The following TRIM33 variants were observed in gnomAD, a reference collection of about 807,000 sequenced individuals.
TRIM33 encodes the protein E3 ubiquitin-protein ligase TRIM33.
In TRIM33, 20 loss-of-function variants were observed where a neutral mutation model predicts 125.4. The ratio of observed to expected loss-of-function variants is 0.16; its 90% CI spans 0.11 to 0.23. The LOEUF (loss-of-function observed/expected upper bound fraction) is 0.23, where lower values mean the gene tolerates loss of function less well. Ranked by LOEUF, TRIM33 falls within the 10% of genes least tolerant of loss-of-function variation. The probability of loss-of-function intolerance (pLI) is 1.00; values close to 1 mark genes in which losing one functional copy is unlikely to be tolerated. For missense variants in TRIM33, 920 were observed against 1,411.4 expected (o/e 0.65, Z 5.58); for synonymous variants, 564 against 513.9 (o/e 1.10, Z -1.32).
intron 1 of TRIM33, among the ~76,000 whole-genome samples, chr1:114,484,284 A>C (rs1448465398): frequency 6.6e-6 from 1 of 152,208 alleles, no homozygotes; most frequent in Non-Finnish European, 1.5e-5. Flanking sequence ...TTGAAACTCT[A>C]ACCATGCCCA....
At chr1:114,478,187 G>C (rs1651090185) in intron 1 of TRIM33, among the ~76,000 whole-genome samples, 2 of 152,128 alleles carry the variant, frequency 1.3e-5, no homozygotes, top group Admixed American at 1.3e-4. Context: ...TCTTGCTTGA[G>C]GATGCTCCCA....
At chr1:114,488,560 TCAAGACCAGCCTGGGCAACAATA>T (rs1651856842) in intron 1 of TRIM33, among the ~76,000 whole-genome samples, 1 of 152,064 alleles carries the variant, frequency 6.6e-6, no homozygotes, top group Admixed American at 6.5e-5. Context: ...GCCCAGAAGT[TCAAGACCAGCCTGGGCAACAATA>T]CAAGACCCCA....
At chr1:114,409,294 G>A (rs1652434924) in intron 12 of TRIM33, among the ~76,000 whole-genome samples, 1 of 152,146 alleles carries the variant, frequency 6.6e-6, no homozygotes, top group South Asian at 2.1e-4. Flanking sequence ...GTATTCAAGA[G>A]TCCCAATTGA....
intron 12 of TRIM33, among the ~76,000 whole-genome samples, chr1:114,409,963 T>C (rs1019324331): frequency 1.3e-5 from 2 of 152,148 alleles, no homozygotes; most frequent in African/African-American, 4.8e-5. Flanking sequence ...GTCTCAAGAC[T>C]GTAACAATAC....
At chr1:114,398,898 C>CAAAAAAAAAAAAAAAAAAAAAAAAA (rs372853872) in intron 18 of TRIM33, among the ~76,000 whole-genome samples, 3 of 60,784 alleles carry the variant, frequency 4.9e-5, no homozygotes, top group Admixed American at 1.8e-4. Context: ...AACTTACCCT[C>CAAAAAAAAAAAAAAAAAAAAAAAAA]AAAAAAAAAA....
intron 9 of TRIM33, 131 bp downstream of exon 9, chr1:114,425,318 T>C (rs1296038566): frequency 8.1e-7 from 1 of 1,230,538 alleles, no homozygotes; most frequent in Non-Finnish European, 1.1e-6. Flanking sequence ...TAGCAAATAT[T>C]TAAACTCTGA....
intron 6 of TRIM33, among the ~76,000 whole-genome samples, chr1:114,430,417 T>C (rs1389347021): frequency 6.6e-6 from 1 of 152,114 alleles, no homozygotes. Flanking sequence ...CTAATTTTTG[T>C]ATTTTTTGTA....
rs148234081 is a variant in TRIM33, at chr1:114,401,260, G to A, written c.2967+129C>T. ...ACCGTGGTCTCTATTTCCTGACCTC[G>A]TGATCCGCCTGCCTCGGCCTCCCAA... On this transcript the variant is annotated intron_variant, in intron 17 of 19. Coordinates refer to ENST00000358465, the MANE Select transcript of TRIM33 (RefSeq NM_015906.4). 1.3e-3 allele frequency: 665 copies of A among 506,006 alleles called. 5 individuals carry two copies. Among genetic ancestry groups the A allele is most frequent in the African/African-American group, 0.012 (581 of 48,986 alleles). The allele number at this position is 506,006 out of a possible 1,614,324, so 31.3% of individuals were successfully genotyped here. A position where few individuals can be genotyped will look rare whatever the true frequency, so the allele number is the denominator to read the frequency against.
intron 1 of TRIM33, among the ~76,000 whole-genome samples, chr1:114,498,414 A>T (rs930669150): frequency 6.6e-6 from 1 of 152,050 alleles, no homozygotes; most frequent in Admixed American, 6.6e-5. Context: ...TTGGGAGGCC[A>T]AGGCAGGTGG....
chr1:114,436,530 A>C (rs984094116), intron 4 of TRIM33, among the ~76,000 whole-genome samples: 2 of 151,866 alleles, frequency 1.3e-5, no homozygotes, highest in Non-Finnish European at 2.9e-5. Context: ...CAGTGGCGCA[A>C]TCTCAGCTCA....
chr1:114,398,547 T>C (rs111600066), intron 18 of TRIM33, among the ~76,000 whole-genome samples: 2,069 of 152,256 alleles, frequency 0.014, 45 homozygotes, highest in African/African-American at 0.046. Context: ...TGTGCCATAC[T>C]GCTATAAAGG....
At chr1:114,454,531 A>G (rs190025523) in intron 4 of TRIM33, among the ~76,000 whole-genome samples, 1 of 152,170 alleles carries the variant, frequency 6.6e-6, no homozygotes, top group East Asian at 1.9e-4. Flanking sequence ...ACAAAAAAAT[A>G]AAAAATTAGC....
At chr1:114,463,609 A>T (rs1171807033) in intron 2 of TRIM33, 53 bp from the exon 3 acceptor site, 1 of 155,356 alleles carries the variant, frequency 6.4e-6, no homozygotes, top group Non-Finnish European at 1.0e-5. Context: ...ATCTAGATCT[A>T]AAAAAAAAAA....
intron 2 of TRIM33, 36 bp downstream of exon 2, chr1:114,464,233 TC>T: frequency 4.5e-6 from 5 of 1,122,872 alleles, no homozygotes; most frequent in Non-Finnish European, 6.5e-6. Context: ...CAGTTTGATA[TC>T]AAGATAGGAA....
chr1:114,458,125 T>C (rs1193658279), intron 4 of TRIM33, among the ~76,000 whole-genome samples: 1 of 152,186 alleles, frequency 6.6e-6, no homozygotes, highest in Non-Finnish European at 1.5e-5. Context: ...AGCATAATAG[T>C]TTCTTCCTGA....
intron 1 of TRIM33, among the ~76,000 whole-genome samples, chr1:114,500,102 C>T (rs1426328380): frequency 2.0e-5 from 3 of 152,176 alleles, no homozygotes; most frequent in East Asian, 3.9e-4. Context: ...GGGAGTCGGA[C>T]GTTGCAGTGA....
intron 1 of TRIM33, among the ~76,000 whole-genome samples, chr1:114,502,807 C>G (rs373517630): frequency 9.9e-5 from 15 of 151,982 alleles, no homozygotes; most frequent in African/African-American, 3.6e-4. Flanking sequence ...ATGTCCGGCA[C>G]GACAGGTTTA....
At chr1:114,507,540 T>C (rs1033074965) in intron 1 of TRIM33, among the ~76,000 whole-genome samples, 4 of 152,238 alleles carry the variant, frequency 2.6e-5, no homozygotes, top group African/African-American at 9.6e-5. Flanking sequence ...GGTTGATCAA[T>C]AATATCCTGT....
intron 1 of TRIM33, among the ~76,000 whole-genome samples, chr1:114,506,342 C>A (rs2101584573): frequency 6.8e-6 from 1 of 147,878 alleles, no homozygotes; most frequent in Non-Finnish European, 1.5e-5. Flanking sequence ...GAGATCGCAC[C>A]ATTGCACTCC....
Sources: allele counts gnomAD v4.1 joint callset (sites outside exome capture counted in the v4.1 genomes callset), GRCh38; gene constraint gnomAD v4.1.1; transcripts MANE v1.5; gene names NCBI Gene and HGNC (gene_info 2026-07-23, HGNC 2026-07-21).